The following UBR2 variants were observed in gnomAD, a reference collection of about 807,000 sequenced individuals.
UBR2 encodes E3 ubiquitin-protein ligase UBR2.
Under a neutral mutation model 247.9 loss-of-function variants are expected in UBR2, and 92 were observed. That is an observed-to-expected ratio of 0.37 (90% CI 0.31 to 0.44). The LOEUF is 0.44. UBR2 is among the 20% of genes least tolerant of loss of function. The pLI is 1.00. For missense variants in UBR2, 1,613 were observed against 2,112.6 expected, an observed-to-expected ratio of 0.76 and a Z score of 4.64; for synonymous variants, 672 against 693.5, an observed-to-expected ratio of 0.97 and a Z score of 0.49.
At chr6:42,614,797 T>C (rs900535812) in intron 8 of UBR2, among the ~76,000 whole-genome samples, 5 of 141,308 alleles carry the variant, frequency 3.5e-5, no homozygotes, top group Non-Finnish European at 6.4e-5. Flanking sequence ...TGTTTTTCTC[T>C]TTAATTAAAT....
At chr6:42,640,059 A>C (rs544274670) in intron 15 of UBR2, 150 bp from the exon 16 acceptor site, 1 of 627,860 alleles carries the variant, frequency 1.6e-6, no homozygotes, top group Non-Finnish European at 2.7e-6. Flanking sequence ...GCCTCTTATG[A>C]ATATAGATCA....
At chr6:42,688,165 TC>T (rs747754112) in intron 44 of UBR2, 50 bp from the exon 45 acceptor site, 1 of 1,612,676 alleles carries the variant, frequency 6.2e-7, no homozygotes, top group East Asian at 2.2e-5. Flanking sequence ...CATCACTAGC[TC>T]TTTAGCCACT....
Position 42,689,451 on chromosome 6 carries a change from A to T in UBR2, c.5025-118A>T, listed in dbSNP as rs1018796182. On this transcript the variant is annotated intron_variant, in intron 45 of 46. Coordinates refer to ENST00000372901, the MANE Select transcript of UBR2 (RefSeq NM_001363705.2). The surrounding 1 kb of genome is among the most constrained non-coding windows in gnomAD (Gnocchi z 4.0). ...TTTGTGCACAATTTTTTAATGGATA[A>T]CTTCCTCCTAATAGTGGTTTAAATA... 16 of 992,690 alleles carry T rather than the reference A, an allele frequency of 1.6e-5. No homozygotes were observed. The highest frequency in any genetic ancestry group is 2.2e-5 in the Non-Finnish European group (14 of 644,098). 61.5% of individuals were successfully genotyped at this position (992,690 alleles called of 1,614,324 possible).
At chr6:42,595,056 G>A (rs1033260771) in intron 4 of UBR2, among the ~76,000 whole-genome samples, 1 of 152,102 alleles carries the variant, frequency 6.6e-6, no homozygotes, top group Non-Finnish European at 1.5e-5. Flanking sequence ...TGATATTTAT[G>A]GGGCACAGTG....
intron 44 of UBR2, 120 bp downstream of exon 44, chr6:42,684,991 A>G (rs1799294607): frequency 1.3e-6 from 1 of 768,918 alleles, no homozygotes. Context: ...GTAGTCCTTT[A>G]TGAGAGGAGA....
chr6:42,602,754 G>A (rs1793467776), intron 4 of UBR2, among the ~76,000 whole-genome samples: 1 of 119,766 alleles, frequency 8.3e-6, no homozygotes, highest in African/African-American at 3.3e-5. Flanking sequence ...TTTTTATGCT[G>A]TGTGTGCGTG....
chr6:42,632,905 G>T lies in UBR2; in HGVS notation c.1545+1G>T. ...TTTGGAATTACTAAAATGTATGCAG[G>T]TATGTAAAAACTGTTACACTTTTCT... On this transcript the variant is annotated splice_donor_variant, in intron 13 of 46. Coordinates refer to ENST00000372901, the MANE Select transcript of UBR2 (RefSeq NM_001363705.2). LOFTEE classifies it high-confidence loss of function. The T allele has an allele frequency of 1.3e-6, 2 of 1,519,440 alleles. No individual in the cohort carries two copies. Among genetic ancestry groups the T allele is most frequent in the Non-Finnish European group, 1.8e-6 (2 of 1,135,778 alleles). The allele number at this position is 1,519,440 out of a possible 1,614,324, so 94.1% of individuals were successfully genotyped here.
chr6:42,652,332 G>C (rs568493689), intron 24 of UBR2, among the ~76,000 whole-genome samples, 159 bp from the exon 25 acceptor site: 7 of 152,210 alleles, frequency 4.6e-5, no homozygotes, highest in Middle Eastern at 3.4e-3. Flanking sequence ...TGCTACTTTC[G>C]TGGCTCTTTT....
Position 42,683,062 on chromosome 6 carries a change from C to G in UBR2, c.4726C>G (p.Arg1576Gly), listed in dbSNP as rs554509300. The G allele has an allele frequency of 6.2e-7, 1 of 1,611,826 alleles. No homozygotes were observed. The highest frequency in any genetic ancestry group is 2.2e-5 in the East Asian group (1 of 44,640). ...CCTCTGTTTACATTAAAGTTGGTGC[C>G]GTAACAGTGAAGTTAAAAGATATCT... ...IMNSLIESWCRNSEVKRYLEG... is the reference protein window; with the variant it reads ...IMNSLIESWCGNSEVKRYLEG... The change falls in exon 43 of 47, where the codon CGT becomes GGT. Residue 1576 changes from arginine (R) to glycine (G), a missense_variant. Coordinates refer to ENST00000372901, the MANE Select transcript of UBR2 (RefSeq NM_001363705.2).
chr6:42,666,999 T>A (rs771518066), intron 34 of UBR2, among the ~76,000 whole-genome samples: 14 of 152,258 alleles, frequency 9.2e-5, no homozygotes, highest in Middle Eastern at 3.4e-3. Flanking sequence ...TAGAGCTACC[T>A]GAAAGCTGTG....
chr6:42,637,495 TC>T (rs1484546664), intron 15 of UBR2, among the ~76,000 whole-genome samples: 1 of 104,682 alleles, frequency 9.6e-6, no homozygotes, highest in Admixed American at 1.1e-4. Context: ...CCATAGTGCT[TC>T]TTTAGACAAC....
intron 22 of UBR2, among the ~76,000 whole-genome samples, chr6:42,649,846 T>C (rs1797008847): frequency 6.6e-6 from 1 of 152,232 alleles, no homozygotes; most frequent in African/African-American, 2.4e-5. Flanking sequence ...TCTGTCTCAA[T>C]TGGCTTCTGG....
intron 34 of UBR2, among the ~76,000 whole-genome samples, chr6:42,669,595 A>G (rs540463034): frequency 6.6e-6 from 1 of 152,068 alleles, no homozygotes; most frequent in Non-Finnish European, 1.5e-5. Context: ...AATGTTTATT[A>G]GTCCTTGGAT....
chr6:42,619,712 C>T (rs1794853722), intron 11 of UBR2: 2 of 154,306 alleles, frequency 1.3e-5, no homozygotes, highest in Non-Finnish European at 2.8e-5. Flanking sequence ...GCCTGGGCGA[C>T]AGAGCGAGAT....
intron 11 of UBR2, chr6:42,619,453 A>ATATATTTTTTTTTTTTTTTTTTT: frequency 8.4e-5 from 2 of 23,728 alleles, no homozygotes; most frequent in Non-Finnish European, 8.4e-5. Context: ...ATATATATAT[A>ATATATTTTTTTTTTTTTTTTTTT]TTTTTTTTTT....
chr6:42,583,662 C>G (rs1295411470), intron 2 of UBR2, among the ~76,000 whole-genome samples: 2 of 151,942 alleles, frequency 1.3e-5, no homozygotes, highest in Admixed American at 6.6e-5. Context: ...GCTAGGACTA[C>G]AGGCACGCAC....
In UBR2 at chr6:42,676,202, CCTTTTTGT is replaced by C. The variant is rs1798712106; in HGVS notation, c.4387+13_4387+20del. 6.5e-7 allele frequency: 1 copy of C among 1,547,478 alleles called. No individual in the cohort carries two copies. The highest frequency in any genetic ancestry group is 8.7e-7 in the Non-Finnish European group (1 of 1,154,554). ...TTACCTCATGTACAGGTAACTCTTG[CCTTTTTGT>C]CAGTTTCTTGAAGGAAATACTTGAG... On this transcript the variant is annotated intron_variant, in intron 39 of 46. Transcript: ENST00000372901.
At chr6:42,584,707 T>C (rs552009791) in intron 2 of UBR2, among the ~76,000 whole-genome samples, 1 of 152,170 alleles carries the variant, frequency 6.6e-6, no homozygotes. Flanking sequence ...CAAAGTCTTA[T>C]AGTTTTTATA....
intron 23 of UBR2, 145 bp from the exon 24 acceptor site, chr6:42,651,878 G>GCCAAGAC: frequency 1.6e-6 from 1 of 642,372 alleles, no homozygotes; most frequent in Non-Finnish European, 2.6e-6. Flanking sequence ...TTGGGAGGTT[G>GCCAAGAC]AGGTGGGCAG....
Sources: allele counts gnomAD v4.1 joint callset (sites outside exome capture counted in the v4.1 genomes callset), GRCh38; gene constraint gnomAD v4.1.1; non-coding constraint Gnocchi (gnomAD v3.1); transcripts MANE v1.5; gene names NCBI Gene and HGNC (gene_info 2026-07-23, HGNC 2026-07-21).